TMEM117: variants seen among roughly 807,000 people sequenced by gnomAD.
TMEM117 encodes the protein transmembrane protein 117.
A neutral mutation model predicts 52.4 loss-of-function variants in TMEM117; 27 were observed. That is an observed-to-expected ratio of 0.51 (90% CI 0.38 to 0.71). The LOEUF is 0.71. Ranked by LOEUF, TMEM117 falls within the 30% of genes least tolerant of loss-of-function variation. TMEM117 has a pLI of 0.00. For synonymous variants in TMEM117, 215 were observed against 206.3 expected, an observed-to-expected ratio of 1.04 and a Z score of -0.36; for missense variants, 556 against 630.5, an observed-to-expected ratio of 0.88 and a Z score of 1.26.
chr12:43,948,252 T>G (rs1436236538), intron 3 of TMEM117, among the ~76,000 whole-genome samples: 2 of 152,132 alleles, frequency 1.3e-5, no homozygotes, highest in Non-Finnish European at 2.9e-5. Context: ...AATTTGACTC[T>G]CTTTCTGCAC....
chr12:43,872,772 G>C (rs1675774), intron 2 of TMEM117, among the ~76,000 whole-genome samples: 1 of 152,020 alleles, frequency 6.6e-6, no homozygotes, highest in Non-Finnish European at 1.5e-5. Context: ...CAAAGAAATT[G>C]TCATGAAATA....
At chr12:43,985,356 A>C (rs1458363744) in intron 3 of TMEM117, among the ~76,000 whole-genome samples, 2 of 152,164 alleles carry the variant, frequency 1.3e-5, no homozygotes, top group African/African-American at 4.8e-5. Flanking sequence ...TATGAAAGTA[A>C]TATTTGAACC....
intron 3 of TMEM117, among the ~76,000 whole-genome samples, chr12:44,049,008 A>G (rs1946924258): frequency 1.3e-5 from 2 of 152,180 alleles, no homozygotes; most frequent in South Asian, 4.1e-4. Flanking sequence ...GGATAATTCT[A>G]TCCTAGTTTA....
intron 3 of TMEM117, among the ~76,000 whole-genome samples, chr12:44,124,401 T>G (rs1239900579): frequency 6.6e-6 from 1 of 152,218 alleles, no homozygotes; most frequent in Non-Finnish European, 1.5e-5. Flanking sequence ...TATTTATTTC[T>G]CTTGCTTGAC....
intron 2 of TMEM117, among the ~76,000 whole-genome samples, chr12:43,865,081 A>T (rs1592317258): frequency 6.6e-6 from 1 of 152,264 alleles, no homozygotes; most frequent in East Asian, 1.9e-4. Flanking sequence ...ACATCCGAAC[A>T]TCAGAAGGAA....
chr12:44,033,701 G>GA (rs1250084818), intron 3 of TMEM117, among the ~76,000 whole-genome samples: 1 of 152,156 alleles, frequency 6.6e-6, no homozygotes, highest in Non-Finnish European at 1.5e-5. Context: ...CCCTTCAGTA[G>GA]AAAAAATCTT....
At chr12:43,970,720 C>T (rs563961118) in intron 3 of TMEM117, among the ~76,000 whole-genome samples, 54 of 152,236 alleles carry the variant, frequency 3.5e-4, no homozygotes, top group South Asian at 2.7e-3. Flanking sequence ...TGGTTTCGGG[C>T]GTCCATTGGT....
At chr12:44,255,634 G>A (rs893471208) in intron 5 of TMEM117, among the ~76,000 whole-genome samples, 1 of 152,010 alleles carries the variant, frequency 6.6e-6, no homozygotes, top group Admixed American at 6.6e-5. Context: ...GTAAAAGCAG[G>A]ATATAAACTT....
chr12:43,952,351 A>G (rs1275444176), intron 3 of TMEM117, among the ~76,000 whole-genome samples: 2 of 152,116 alleles, frequency 1.3e-5, no homozygotes, highest in Non-Finnish European at 2.9e-5. Context: ...ACTGAGCCAA[A>G]GGATTATGTT....
intron 6 of TMEM117, among the ~76,000 whole-genome samples, chr12:44,309,714 G>A (rs1401211229): frequency 6.7e-6 from 1 of 150,022 alleles, no homozygotes; most frequent in African/African-American, 2.5e-5. Context: ...CTTTACAAAT[G>A]AGAAGAAAAT....
At chr12:44,097,766 G>A (rs768396427) in intron 3 of TMEM117, among the ~76,000 whole-genome samples, 4 of 138,110 alleles carry the variant, frequency 2.9e-5, no homozygotes, top group African/African-American at 6.5e-5. Flanking sequence ...CCTAAATGAC[G>A]AGTTAATGGG....
chr12:44,008,992 GTGAAT>G (rs1325553251), intron 3 of TMEM117: 1 of 365,022 alleles, frequency 2.7e-6, no homozygotes, highest in African/African-American at 2.2e-5. Context: ...TCTGTTTAGT[GTGAAT>G]TCTCTGGTAC....
chr12:44,003,879 C>G (rs1592431435), intron 3 of TMEM117, among the ~76,000 whole-genome samples: 2 of 152,156 alleles, frequency 1.3e-5, no homozygotes, highest in South Asian at 4.1e-4. Context: ...AGTCAGGATG[C>G]ATAGGCAATG....
upstream of TMEM117, chr12:43,835,967 G>A (rs979777580): frequency 4.6e-5 from 7 of 151,572 alleles, no homozygotes; most frequent in African/African-American, 1.7e-4. Flanking sequence ...CGCGGCCGCG[G>A]ACTTTGCGGC....
At chr12:44,010,893 T>C (rs1192005271) in intron 3 of TMEM117, among the ~76,000 whole-genome samples, 1 of 152,234 alleles carries the variant, frequency 6.6e-6, no homozygotes, top group East Asian at 1.9e-4. Context: ...ATTTTTGCTC[T>C]TGTTATTTTG....
intron 3 of TMEM117, among the ~76,000 whole-genome samples, chr12:44,016,536 T>C (rs1946376454): frequency 6.6e-6 from 1 of 152,204 alleles, no homozygotes; most frequent in Non-Finnish European, 1.5e-5. Flanking sequence ...TTTTTTTCTC[T>C]AGGGCTTTCA....
chr12:44,013,999 A>G (rs1430567440), intron 3 of TMEM117, among the ~76,000 whole-genome samples: 1 of 152,198 alleles, frequency 6.6e-6, no homozygotes, highest in African/African-American at 2.4e-5. Flanking sequence ...GAAACCTAAC[A>G]AACTTTCAGG....
At chr12:44,010,537 T>C (rs1348965271) in intron 3 of TMEM117, among the ~76,000 whole-genome samples, 2 of 152,000 alleles carry the variant, frequency 1.3e-5, no homozygotes, top group Non-Finnish European at 2.9e-5. Context: ...CGTCTGTCTA[T>C]TTTCTCTTTA....
At chr12:44,182,288 T>A (rs1949212788) in intron 4 of TMEM117, among the ~76,000 whole-genome samples, 1 of 152,172 alleles carries the variant, frequency 6.6e-6, no homozygotes, top group Non-Finnish European at 1.5e-5. Context: ...TATACAATCA[T>A]GTCATCTGCA....
Sources: gnomAD v4.1 joint callset for allele counts (sites outside exome capture counted in the v4.1 genomes callset) on GRCh38, gnomAD v4.1.1 for gene constraint, MANE v1.5 for transcripts, NCBI Gene and HGNC (gene_info 2026-07-23, HGNC 2026-07-21) for gene names.